LOC128462377: variants seen among roughly 807,000 people sequenced by gnomAD.
the LOC128462377 span, among the ~76,000 whole-genome samples, chr16:89,354,106 C>A: frequency 6.6e-6 from 1 of 152,172 alleles, no homozygotes; most frequent in African/African-American, 2.4e-5. Context: ...CCCTCAGGTG[C>A]CGCCTGCAAG....
chr16:89,375,597 G>A, the LOC128462377 span, among the ~76,000 whole-genome samples: 5 of 151,852 alleles, frequency 3.3e-5, no homozygotes, highest in South Asian at 1.0e-3. Flanking sequence ...GTGATTACAG[G>A]CGCCCGCCAC....
At chr16:89,363,820 T>A in the LOC128462377 span, among the ~76,000 whole-genome samples, 4 of 152,048 alleles carry the variant, frequency 2.6e-5, no homozygotes, top group South Asian at 6.2e-4. Context: ...TTCAGGAGGC[T>A]GCGGCAAGGA....
chr16:89,417,339 G>A, the LOC128462377 span, among the ~76,000 whole-genome samples: 2 of 152,118 alleles, frequency 1.3e-5, no homozygotes, highest in Non-Finnish European at 2.9e-5. Context: ...ACTCACACCT[G>A]GCCAAAATAT....
At chr16:89,363,389 T>C in the LOC128462377 span, among the ~76,000 whole-genome samples, 2 of 152,020 alleles carry the variant, frequency 1.3e-5, no homozygotes, top group African/African-American at 4.8e-5. Flanking sequence ...GACGAGTTAA[T>C]GGGTGCAGCA....
chr16:89,406,150 A>C, the LOC128462377 span, among the ~76,000 whole-genome samples: 2 of 151,330 alleles, frequency 1.3e-5, no homozygotes, highest in African/African-American at 2.4e-5. Flanking sequence ...GAAAATCACC[A>C]AAGTCCTAAG....
the LOC128462377 span, among the ~76,000 whole-genome samples, chr16:89,337,896 T>TCC: frequency 6.6e-6 from 1 of 152,094 alleles, no homozygotes; most frequent in African/African-American, 2.4e-5. Flanking sequence ...GTGTGTGGAA[T>TCC]CCCCCTCTAT....
the LOC128462377 span, among the ~76,000 whole-genome samples, chr16:89,392,995 C>T: frequency 6.6e-6 from 1 of 151,964 alleles, no homozygotes; most frequent in Non-Finnish European, 1.5e-5. Context: ...TTTCTAAACT[C>T]CAGCCTATTT....
chr16:89,353,365 A>C, the LOC128462377 span, among the ~76,000 whole-genome samples: 2 of 151,658 alleles, frequency 1.3e-5, no homozygotes, highest in African/African-American at 4.9e-5. Flanking sequence ...AGAGAGAGAG[A>C]GAGAGAGAAA....
chr16:89,351,799 G>C, the LOC128462377 span, among the ~76,000 whole-genome samples: 2 of 152,224 alleles, frequency 1.3e-5, no homozygotes, highest in African/African-American at 4.8e-5. Context: ...TGACAGCAAT[G>C]TTCTAGAACT....
the LOC128462377 span, among the ~76,000 whole-genome samples, chr16:89,404,911 A>C: frequency 1.3e-5 from 2 of 152,252 alleles, no homozygotes; most frequent in African/African-American, 4.8e-5. Context: ...CTTTACAGTA[A>C]AGTGAACTCG....
chr16:89,399,546 T>C, the LOC128462377 span, among the ~76,000 whole-genome samples: 1 of 152,148 alleles, frequency 6.6e-6, no homozygotes, highest in African/African-American at 2.4e-5. Flanking sequence ...ACGGGGGACC[T>C]GGGGCAGTGA....
chr16:89,395,124 G>A, the LOC128462377 span, among the ~76,000 whole-genome samples: 3 of 152,190 alleles, frequency 2.0e-5, no homozygotes, highest in African/African-American at 7.2e-5. Flanking sequence ...ATGAAAGAGG[G>A]CCAAGAACAG....
the LOC128462377 span, among the ~76,000 whole-genome samples, chr16:89,340,216 T>C: frequency 2.6e-5 from 4 of 152,254 alleles, no homozygotes; most frequent in African/African-American, 4.8e-5. Flanking sequence ...TCACACTGTA[T>C]AGTCATTCAC....
the LOC128462377 span, among the ~76,000 whole-genome samples, chr16:89,384,331 G>A: frequency 1.3e-5 from 2 of 152,172 alleles, no homozygotes; most frequent in Admixed American, 6.5e-5. Flanking sequence ...AGGAGTTCGA[G>A]ACCAGCCCGT....
the LOC128462377 span, among the ~76,000 whole-genome samples, chr16:89,380,788 C>T: frequency 1.3e-5 from 2 of 152,244 alleles, no homozygotes; most frequent in Non-Finnish European, 2.9e-5. Context: ...GGCAGCAGGG[C>T]TGCGTAACCA....
the LOC128462377 span, among the ~76,000 whole-genome samples, chr16:89,366,129 CAAA>C: frequency 1.7e-4 from 10 of 60,442 alleles, no homozygotes; most frequent in Admixed American, 3.2e-4. Context: ...GACTCCATCT[CAAA>C]AAAAAAAAAA....
At chr16:89,351,487 T>C in the LOC128462377 span, among the ~76,000 whole-genome samples, 365 of 152,314 alleles carry the variant, frequency 2.4e-3, 2 homozygotes, top group Non-Finnish European at 4.2e-3. Context: ...TCTCATTTCA[T>C]AAATATACGT....
chr16:89,413,991 G>A, the LOC128462377 span, among the ~76,000 whole-genome samples: 1 of 152,054 alleles, frequency 6.6e-6, no homozygotes, highest in African/African-American at 2.4e-5. Context: ...GCTCGGCTCT[G>A]GCTGAGCTGA....
At chr16:89,374,684 G>A in the LOC128462377 span, among the ~76,000 whole-genome samples, 50 of 152,156 alleles carry the variant, frequency 3.3e-4, no homozygotes, top group African/African-American at 1.1e-3. Context: ...AGAGAGCATC[G>A]GGAAAAGCAC....
Sources: gnomAD v4.1 joint callset for allele counts (sites outside exome capture counted in the v4.1 genomes callset) on GRCh38, gnomAD v4.1.1 for gene constraint, MANE v1.5 for transcripts.